The following ERBIN variants were observed in gnomAD, a reference collection of about 807,000 sequenced individuals.
ERBIN encodes erbb2 interacting protein.
A neutral mutation model predicts 158.4 loss-of-function variants in ERBIN; 60 were observed. That is an observed-to-expected ratio of 0.38 (90% CI 0.31 to 0.47). The LOEUF (loss-of-function observed/expected upper bound fraction) is 0.47, where lower values mean the gene tolerates loss of function less well. Ranked by LOEUF, ERBIN falls within the 20% of genes least tolerant of loss-of-function variation. The pLI, the probability that ERBIN is intolerant of heterozygous loss-of-function variation, is 0.99. For missense variants in ERBIN, 1,610 were observed against 1,648.0 expected, an observed-to-expected ratio of 0.98 and a Z score of 0.40; for synonymous variants, 594 against 557.2, an observed-to-expected ratio of 1.07 and a Z score of -0.93.
At chr5:65,977,136 G>A (rs1473955878) in intron 1 of ERBIN, among the ~76,000 whole-genome samples, 2 of 147,696 alleles carry the variant, frequency 1.4e-5, no homozygotes, top group Non-Finnish European at 3.0e-5. Context: ...GCGGCTGGCC[G>A]GGCGGGGGGC....
Position 66,053,333 on chromosome 5 carries a change from T to G in ERBIN, c.2088-73T>G, listed in dbSNP as rs1580475061. 1.4e-5 allele frequency: 12 copies of G among 888,036 alleles called. No homozygotes were observed. The Middle Eastern group carries it at 1.1e-3, about 80-fold the overall frequency. The allele number at this position is 888,036 out of a possible 1,614,324, so 55.0% of individuals were successfully genotyped here. A position where few individuals can be genotyped will look rare whatever the true frequency, so the allele number is the denominator to read the frequency against. ...TTTTAACTTGTCTACCTACACAATT[T>G]ATTTATTAATGTTCCCTGTTACTAA... On this transcript the variant is annotated intron_variant, in intron 20 of 25. Transcript: ENST00000284037.
intron 1 of ERBIN, among the ~76,000 whole-genome samples, chr5:65,949,609 AATT>A (rs1438169191): frequency 5.9e-5 from 9 of 152,216 alleles, no homozygotes; most frequent in African/African-American, 2.2e-4. Context: ...ATTTTGAAGT[AATT>A]ATATATTTCT....
intron 4 of ERBIN, among the ~76,000 whole-genome samples, chr5:66,011,699 AAAT>A (rs1281595035): frequency 5.9e-5 from 9 of 151,572 alleles, no homozygotes; most frequent in Non-Finnish European, 1.3e-4. Flanking sequence ...AAACAAATAA[AAAT>A]AATGAAAAAC....
intron 1 of ERBIN, among the ~76,000 whole-genome samples, chr5:65,977,426 C>A (rs1178054671): frequency 6.6e-6 from 1 of 151,002 alleles, no homozygotes. Flanking sequence ...CGGAGGGGCT[C>A]CTCACTTCTC....
At chr5:65,974,524 C>G (rs1474087876) in intron 1 of ERBIN, among the ~76,000 whole-genome samples, 1 of 152,116 alleles carries the variant, frequency 6.6e-6, no homozygotes, top group African/African-American at 2.4e-5. Flanking sequence ...AGATTGATAC[C>G]CTGTTATCTT....
intron 21 of ERBIN, among the ~76,000 whole-genome samples, chr5:66,069,828 T>G (rs887640526): frequency 2.0e-5 from 3 of 152,140 alleles, no homozygotes; most frequent in Non-Finnish European, 4.4e-5. Context: ...GGTCCTTTAC[T>G]TCTACCTGAG....
chr5:65,948,355 T>C (rs1561282508), intron 1 of ERBIN, among the ~76,000 whole-genome samples: 1 of 151,888 alleles, frequency 6.6e-6, no homozygotes, highest in Middle Eastern at 3.4e-3. Flanking sequence ...TTTTTTTTTT[T>C]AAGTAGAGAT....
At chr5:66,044,663 G>A (rs961722742) in intron 17 of ERBIN, among the ~76,000 whole-genome samples, 1 of 152,084 alleles carries the variant, frequency 6.6e-6, no homozygotes, top group Admixed American at 6.5e-5. Flanking sequence ...TACTTGGGAG[G>A]CTGAGGCAGG....
intron 1 of ERBIN, among the ~76,000 whole-genome samples, chr5:65,957,205 T>TA (rs1057242987): frequency 4.6e-5 from 7 of 151,346 alleles, no homozygotes; most frequent in Admixed American, 1.3e-4. Flanking sequence ...ATTTTTTTTT[T>TA]AAATTTTTAT....
In ERBIN at chr5:66,053,960, T is replaced by TA. The variant is rs1220403920; in HGVS notation, c.2647dup (p.Ile883AsnfsTer3). ...ATAACTAATATGGAGATTGGAGGGC[T>TA]AAAAATCTATGATATTCTTAGTGAT... On this transcript the variant is annotated frameshift_variant, in exon 21 of 26. Transcript: ENST00000284037. LOFTEE classifies it high-confidence loss of function. The TA allele has an allele frequency of 6.2e-7, 1 of 1,614,146 alleles. No individual in the cohort carries two copies. Among genetic ancestry groups the TA allele is most frequent in the Non-Finnish European group, 8.5e-7 (1 of 1,180,018 alleles).
intron 4 of ERBIN, among the ~76,000 whole-genome samples, chr5:66,004,470 C>T (rs1032208193): frequency 8.5e-5 from 13 of 152,272 alleles, no homozygotes; most frequent in African/African-American, 1.9e-4. Context: ...GCGATCTCAG[C>T]GTACTGCAGT....
chr5:66,019,126 ATGT>A (rs1481994314), intron 7 of ERBIN, among the ~76,000 whole-genome samples: 1 of 152,146 alleles, frequency 6.6e-6, no homozygotes, highest in Non-Finnish European at 1.5e-5. Context: ...TATAAGATAC[ATGT>A]TGTCTGTGAA....
intron 21 of ERBIN, among the ~76,000 whole-genome samples, chr5:66,057,372 C>T (rs1458935225): frequency 6.6e-6 from 1 of 152,178 alleles, no homozygotes; most frequent in Admixed American, 6.5e-5. Context: ...CTATTATCTT[C>T]ATCCTCATCA....
At chr5:66,068,136 T>C (rs1356672860) in intron 21 of ERBIN, among the ~76,000 whole-genome samples, 2 of 151,946 alleles carry the variant, frequency 1.3e-5, no homozygotes, top group Admixed American at 6.6e-5. Context: ...GAGACCACCC[T>C]GGACAAGTGT....
In ERBIN at chr5:66,054,434, A is replaced by C. The variant is rs1248360323; in HGVS notation, c.3116A>C (p.Asn1039Thr). ...NFSNHNNVRA[N>T]TAYHLHQRLG... ...TCTAATCATAACAATGTTCGAGCTA[A>C]TACTGCATACCATTTACATCAGAGA... Residue 1039 changes from asparagine to threonine, a missense_variant, in exon 21 of 26, where the codon AAT becomes ACT. Physicochemically the swap from Asn to Thr is moderately conservative, Grantham distance 65. This residue lies in a region of ERBIN where 1,014 missense variants were observed against 936.1 expected (regional missense o/e 1.08). Coordinates refer to ENST00000284037, the MANE Select transcript of ERBIN (RefSeq NM_001253697.2). 7 of 1,614,072 alleles carry C rather than the reference A, an allele frequency of 4.3e-6. No homozygotes were observed. Among genetic ancestry groups the C allele is most frequent in the Non-Finnish European group, 5.9e-6 (7 of 1,180,030 alleles).
intron 1 of ERBIN, among the ~76,000 whole-genome samples, chr5:65,982,478 G>A (rs988795464): frequency 6.6e-6 from 1 of 152,006 alleles, no homozygotes; most frequent in African/African-American, 2.4e-5. Context: ...GTGTACTCTC[G>A]ATCACAGTAA....
chr5:65,942,130 A>G (rs1240567552), intron 1 of ERBIN, among the ~76,000 whole-genome samples: 3 of 152,228 alleles, frequency 2.0e-5, no homozygotes, highest in East Asian at 1.9e-4. Context: ...CTCACTCACT[A>G]TCACTGTAAA....
intron 4 of ERBIN, among the ~76,000 whole-genome samples, chr5:66,011,189 A>G (rs987041262): frequency 2.0e-5 from 3 of 152,200 alleles, no homozygotes; most frequent in African/African-American, 4.8e-5. Context: ...AAGGTTGAGA[A>G]AAGGGGAATA....
At chr5:65,943,493 T>C (rs1293675848) in intron 1 of ERBIN, among the ~76,000 whole-genome samples, 1 of 152,242 alleles carries the variant, frequency 6.6e-6, no homozygotes, top group Non-Finnish European at 1.5e-5. Flanking sequence ...GTTTTCATTC[T>C]GAGAAATGAT....
Sources: allele counts gnomAD v4.1 joint callset (sites outside exome capture counted in the v4.1 genomes callset), GRCh38; gene constraint gnomAD v4.1.1; regional missense constraint gnomAD v4.1.1; transcripts MANE v1.5; gene names NCBI Gene and HGNC (gene_info 2026-07-23, HGNC 2026-07-21).